Variants in NSDHL observed in about 807,000 individuals in gnomAD.
NSDHL encodes the protein NAD(P) dependent 3-beta-hydroxysteroid dehydrogenase NSDHL.
NSDHL carries 1 observed loss-of-function variant against 23.0 expected under a neutral mutation model. That is an observed-to-expected ratio of 0.04 (90% CI 0.02 to 0.21). The LOEUF is 0.21. NSDHL is among the 10% of genes least tolerant of loss of function. The probability of loss-of-function intolerance (pLI) is 1.00; values close to 1 mark genes in which losing one functional copy is unlikely to be tolerated. For synonymous variants in NSDHL, 128 were observed against 121.1 expected (o/e 1.06, Z -0.37); for missense variants, 237 against 300.9 (o/e 0.79, Z 1.57).
intron 3 of NSDHL, among the ~76,000 whole-genome samples, chrX:152,853,157 G>A (rs1224621445): frequency 1.9e-5 from 2 of 105,667 alleles, no homozygotes; most frequent in Non-Finnish European, 3.9e-5. Context: ...GTGTGTGAGC[G>A]TATGTGTGTG....
intron 1 of NSDHL, among the ~76,000 whole-genome samples, chrX:152,840,198 T>C (rs1933167745): frequency 1.8e-5 from 2 of 112,245 alleles, no homozygotes; most frequent in African/African-American, 6.5e-5. Flanking sequence ...AGTTAGTCAT[T>C]CATCTAACCT....
chrX:152,852,616 AC>A (rs1450262954), intron 3 of NSDHL, among the ~76,000 whole-genome samples: 1 of 110,987 alleles, frequency 9.0e-6, no homozygotes, highest in Non-Finnish European at 1.9e-5. Flanking sequence ...TGTAACCCCC[AC>A]CCTGGTTAAA....
Position 152,846,229 on chromosome X carries a change from A to G in NSDHL, c.-43-53A>G, listed in dbSNP as rs1556845527. Reference sequence around the variant, plus strand: ...CATCTGCCCAAAACACTAACAACTAAAGATGTTTTGACTTAGGCAACATTA... The same window carrying G: ...CATCTGCCCAAAACACTAACAACTAGAGATGTTTTGACTTAGGCAACATTA... On this transcript the variant is annotated intron_variant, in intron 1 of 7. Transcript: ENST00000370274. 105 of 655,309 alleles carry G rather than the reference A, an allele frequency of 1.6e-4. 1 individual carries two copies. In the South Asian group the frequency reaches 1.9e-3, roughly 12 times the overall value. 54.0% of individuals were successfully genotyped at this position (655,309 alleles called of 1,213,427 possible).
At position 152,869,061 on chromosome X, in the gene NSDHL, A is replaced by G. The variant is rs781836163; in HGVS notation, c.1067A>G (p.Asp356Gly). 8.3e-7 allele frequency: 1 copy of G among 1,212,121 alleles called. No homozygotes were observed. The highest frequency in any genetic ancestry group is 1.1e-6 in the Non-Finnish European group (1 of 895,464). Residue 356 changes from aspartate (D) to glycine (G), a missense_variant, in exon 8 of 8, where the codon GAT becomes GGT. This residue lies in a region of NSDHL where 117 missense variants were observed against 99.5 expected (regional missense o/e 1.18). Coordinates refer to ENST00000370274, the MANE Select transcript of NSDHL (RefSeq NM_015922.3). Reference protein sequence around the residue: ...AMGYQPLVTMDDAMERTVQSF... With the variant: ...AMGYQPLVTMGDAMERTVQSF... ...GGCTACCAGCCACTAGTGACCATGGATGATGCTATGGAGAGGACCGTGCAG... is the reference window on the plus strand; with the variant it reads ...GGCTACCAGCCACTAGTGACCATGGGTGATGCTATGGAGAGGACCGTGCAG...
chrX:152,856,931 G>A (rs782024676), intron 3 of NSDHL, among the ~76,000 whole-genome samples: 22 of 112,543 alleles, frequency 2.0e-4, no homozygotes, highest in African/African-American at 7.1e-4. Flanking sequence ...GGTGGCATAC[G>A]CCTGTAATCC....
chrX:152,840,269 GT>G (rs1933169495), intron 1 of NSDHL, among the ~76,000 whole-genome samples: 1 of 112,205 alleles, frequency 8.9e-6, no homozygotes, highest in African/African-American at 3.2e-5. Context: ...GCTCAGAGAA[GT>G]TTTTTATTAC....
intron 6 of NSDHL, among the ~76,000 whole-genome samples, chrX:152,866,567 C>T (rs1311282186): frequency 1.8e-5 from 2 of 112,987 alleles, no homozygotes; most frequent in African/African-American, 6.4e-5. Flanking sequence ...TCTGGAGGTT[C>T]GCAGGGAGCG....
chrX:152,847,060 G>T (rs1933284898), intron 2 of NSDHL, among the ~76,000 whole-genome samples: 1 of 112,148 alleles, frequency 8.9e-6, no homozygotes, highest in South Asian at 3.7e-4. Flanking sequence ...CCAGCACTTT[G>T]GGAGGCCGAG....
intron 2 of NSDHL, 35 bp downstream of exon 2, chrX:152,846,467 C>T: frequency 1.1e-6 from 1 of 924,938 alleles, no homozygotes; most frequent in Non-Finnish European, 1.6e-6. Flanking sequence ...TACCAACAGG[C>T]TGATACTATT....
Position 152,868,879 on chromosome X carries a change from C to A in NSDHL, c.885C>A (p.Ile295=). ...GLNYEAPKYH[I]PYWVAYYLAL... is the part of the protein sequence containing the mutation. The stretch of plus-strand genomic sequence containing the variant: ...ATTATGAGGCCCCCAAGTACCACAT[C>A]CCCTACTGGGTGGCCTACTACCTGG... The change falls in exon 8 of 8, where the codon ATC becomes ATA. Residue 295 remains isoleucine, a synonymous_variant. Coordinates refer to ENST00000370274, the MANE Select transcript of NSDHL (RefSeq NM_015922.3). 1 of 1,210,812 alleles carries A rather than the reference C, an allele frequency of 8.3e-7. No individual in the cohort carries two copies. Among genetic ancestry groups the A allele is most frequent in the Non-Finnish European group, 1.1e-6 (1 of 894,347 alleles).
intron 7 of NSDHL, among the ~76,000 whole-genome samples, chrX:152,868,325 G>A (rs1467444791): frequency 9.0e-6 from 1 of 110,518 alleles, no homozygotes; most frequent in East Asian, 2.9e-4. Flanking sequence ...TTTTAGTAGA[G>A]ACGGGGTTTC....
intron 4 of NSDHL, 122 bp from the exon 5 acceptor site, chrX:152,862,474 C>A (rs1391552838): frequency 7.4e-5 from 47 of 633,544 alleles, no homozygotes; most frequent in Non-Finnish European, 3.9e-5. Context: ...CAAATAATTT[C>A]TTCAGTGCCT....
intron 1 of NSDHL, among the ~76,000 whole-genome samples, chrX:152,839,006 G>A (rs1203125135): frequency 8.0e-5 from 9 of 112,029 alleles, no homozygotes; most frequent in Non-Finnish European, 1.5e-4. Flanking sequence ...TATATATTTA[G>A]GATAGTTAGC....
chrX:152,840,110 C>T (rs998370501), intron 1 of NSDHL, among the ~76,000 whole-genome samples: 2 of 112,348 alleles, frequency 1.8e-5, no homozygotes, highest in East Asian at 2.8e-4. Flanking sequence ...GAAGCTTGTG[C>T]GTATGTCATG....
At chrX:152,834,599 C>G (rs1556843819) in intron 1 of NSDHL, among the ~76,000 whole-genome samples, 1 of 112,467 alleles carries the variant, frequency 8.9e-6, no homozygotes, top group South Asian at 3.6e-4. Flanking sequence ...CTACAGGGCT[C>G]CTGCTTTGCT....
chrX:152,833,239 G>T (rs1224511807), intron 1 of NSDHL, among the ~76,000 whole-genome samples: 1 of 77,435 alleles, frequency 1.3e-5, no homozygotes, highest in Non-Finnish European at 2.5e-5. Context: ...TGAAGTTTTA[G>T]GTGAGTCAAA....
chrX:152,852,281 T>C (rs782225721), intron 3 of NSDHL, among the ~76,000 whole-genome samples: 1 of 111,430 alleles, frequency 9.0e-6, no homozygotes, highest in Non-Finnish European at 1.9e-5. Context: ...ACAGAATTGG[T>C]TTACATGATT....
chrX:152,849,388 C>T (rs1455309084), intron 2 of NSDHL, among the ~76,000 whole-genome samples: 1 of 111,754 alleles, frequency 8.9e-6, no homozygotes, highest in African/African-American at 3.3e-5. Context: ...TATCACAGGT[C>T]CTCCTCACAG....
intron 3 of NSDHL, among the ~76,000 whole-genome samples, chrX:152,856,607 G>A (rs965265978): frequency 8.9e-6 from 1 of 111,961 alleles, no homozygotes; most frequent in Non-Finnish European, 1.9e-5. Context: ...TACAAAATGA[G>A]TCTGGGACAT....
Sources: allele counts gnomAD v4.1 joint callset (sites outside exome capture counted in the v4.1 genomes callset), GRCh38; gene constraint gnomAD v4.1.1; regional missense constraint gnomAD v4.1.1; transcripts MANE v1.5; gene names NCBI Gene and HGNC (gene_info 2026-07-23, HGNC 2026-07-21).